The following SERINC1 variants were observed in gnomAD, a reference collection of about 807,000 sequenced individuals.
SERINC1 encodes tumor differentially expressed protein 2.
In SERINC1, 38 loss-of-function variants were observed where a neutral mutation model predicts 52.9. The ratio of observed to expected loss-of-function variants is 0.72; its 90% CI spans 0.55 to 0.94. The LOEUF is 0.94. SERINC1 is among the 40% of genes least tolerant of loss of function. The pLI is 0.00. For missense variants in SERINC1, 471 were observed against 533.9 expected, an observed-to-expected ratio of 0.88 and a Z score of 1.16; for synonymous variants, 198 against 183.1, an observed-to-expected ratio of 1.08 and a Z score of -0.66.
chr6:122,462,290 C>G (rs955623421), intron 1 of SERINC1, among the ~76,000 whole-genome samples: 2 of 152,186 alleles, frequency 1.3e-5, no homozygotes, highest in African/African-American at 2.4e-5. Context: ...AGTCTGAATG[C>G]TTTCCCTGTA....
intron 1 of SERINC1, among the ~76,000 whole-genome samples, chr6:122,465,080 G>C (rs1232917575): frequency 6.6e-6 from 1 of 152,038 alleles, no homozygotes; most frequent in Admixed American, 6.6e-5. Flanking sequence ...AAAAGAACTA[G>C]ATCTTTTGTT....
chr6:122,449,631 T>A (rs1318847074), intron 7 of SERINC1, among the ~76,000 whole-genome samples: 1 of 152,168 alleles, frequency 6.6e-6, no homozygotes, highest in East Asian at 1.9e-4. Context: ...AGAAACTGTC[T>A]CCGTAACATA....
At chr6:122,467,669 A>G (rs1370147019) in intron 1 of SERINC1, among the ~76,000 whole-genome samples, 2 of 152,256 alleles carry the variant, frequency 1.3e-5, no homozygotes, top group East Asian at 1.9e-4. Flanking sequence ...AAGTCATTGC[A>G]TATTTAGTAC....
intron 1 of SERINC1, among the ~76,000 whole-genome samples, chr6:122,462,720 T>G (rs1775125462): frequency 6.6e-6 from 1 of 152,220 alleles, no homozygotes; most frequent in Non-Finnish European, 1.5e-5. Context: ...ACAATCATGT[T>G]TCTACGTATT....
chr6:122,460,757 T>C (rs1399685025), intron 1 of SERINC1, among the ~76,000 whole-genome samples: 1 of 152,130 alleles, frequency 6.6e-6, no homozygotes, highest in Non-Finnish European at 1.5e-5. Context: ...TCAGTCAATA[T>C]CAACCTGGAA....
At chr6:122,448,464 C>T (rs1013136743) in intron 7 of SERINC1, among the ~76,000 whole-genome samples, 1 of 152,178 alleles carries the variant, frequency 6.6e-6, no homozygotes, top group East Asian at 1.9e-4. Flanking sequence ...TCATTTTCTT[C>T]TTTTTAATAG....
chr6:122,467,089 T>C (rs1775203205), intron 1 of SERINC1, among the ~76,000 whole-genome samples: 1 of 151,916 alleles, frequency 6.6e-6, no homozygotes, highest in Non-Finnish European at 1.5e-5. Context: ...ACCAAATGAA[T>C]ACAAGCAATG....
At chr6:122,471,595 G>C in intron 1 of SERINC1, 104 bp downstream of exon 1, 1 of 1,384,550 alleles carries the variant, frequency 7.2e-7, no homozygotes, top group Non-Finnish European at 1.0e-6. Context: ...ACTCCCTGTT[G>C]GGTGGGGCAC....
chr6:122,463,604 C>T (rs1335381434), intron 1 of SERINC1, among the ~76,000 whole-genome samples: 2 of 152,034 alleles, frequency 1.3e-5, no homozygotes, highest in Non-Finnish European at 2.9e-5. Flanking sequence ...AAAAAGTGCT[C>T]AATATCATTA....
intron 3 of SERINC1, 47 bp downstream of exon 3, chr6:122,456,431 CAAG>C (rs759753433): frequency 5.8e-5 from 69 of 1,198,762 alleles, no homozygotes; most frequent in Non-Finnish European, 7.6e-5. Flanking sequence ...TGGCAATTAT[CAAG>C]AAGAGGCTAC....
chr6:122,444,815 A>AG lies in SERINC1; in HGVS notation c.*228_*229insC, dbSNP rs561763796. 0.011 allele frequency: 5,528 copies of AG among 489,286 alleles called. 43 individuals carry two copies. The highest frequency in any genetic ancestry group is 0.015 in the Middle Eastern group (28 of 1,864). The allele number at this position is 489,286 out of a possible 1,614,324, so 30.3% of individuals were successfully genotyped here. ...AATAAGCCCAATAATGGCCACTTTT[A>AG]CTAACTCATCACCATATTCATAAAA... On this transcript the variant is annotated 3_prime_UTR_variant, in exon 10 of 10. Coordinates refer to ENST00000339697, the MANE Select transcript of SERINC1 (RefSeq NM_020755.4).
At position 122,445,000 on chromosome 6, in the gene SERINC1, A is replaced by G; in HGVS notation, c.*44T>C. 1 of 1,585,668 alleles carries G rather than the reference A, an allele frequency of 6.3e-7. No homozygotes were observed. Among genetic ancestry groups the G allele is most frequent in the Non-Finnish European group, 8.6e-7 (1 of 1,164,114 alleles). On this transcript the variant is annotated 3_prime_UTR_variant, in exon 10 of 10. Transcript: ENST00000339697. ...ACAAAAGTTGGGAATACTGTTTTCA[A>G]ATAAGCAATAATCAAAGTGGGACTT...
intron 1 of SERINC1, among the ~76,000 whole-genome samples, chr6:122,464,597 G>A (rs992964793): frequency 1.3e-5 from 2 of 152,128 alleles, no homozygotes; most frequent in African/African-American, 2.4e-5. Context: ...AAGGAAATTC[G>A]TATACTATAT....
At chr6:122,468,501 G>A (rs1582638914) in intron 1 of SERINC1, among the ~76,000 whole-genome samples, 1 of 152,178 alleles carries the variant, frequency 6.6e-6, no homozygotes, top group South Asian at 2.1e-4. Context: ...ATCTTTTTAA[G>A]AAACTCTCCT....
Position 122,456,617 on chromosome 6 carries a change from C to G in SERINC1, c.235G>C (p.Val79Leu). 6.2e-7 allele frequency: 1 copy of G among 1,604,082 alleles called. No individual in the cohort carries two copies. Among genetic ancestry groups the G allele is most frequent in the Non-Finnish European group, 8.5e-7 (1 of 1,176,692 alleles). Residue 79 changes from valine to leucine, a missense_variant, in exon 3 of 10, where the codon GTC (valine) becomes CTC (leucine). By Grantham distance (32) the Val-to-Leu change is conservative. Transcript: ENST00000339697. ...TAGCCAACCAAAATGTTACAAGGGA[C>G]AACACCTTTCTCATTCTCACAAAAT... Reference protein sequence around the residue: ...PGFCENEKGVVPCNILVGYKA... With the variant: ...PGFCENEKGVLPCNILVGYKA...
At position 122,447,194 on chromosome 6, in the gene SERINC1, G is replaced by A. The variant is rs766180998; in HGVS notation, c.922C>T (p.Gln308Ter). ...TGAGCATGCCACCACTGGACTGACT[G>A]CCCTTCCTTTGGGACAGTGCTTGTT... is the stretch of plus-strand genomic sequence containing the variant. The part of the protein sequence containing the change: ...NTTSTVPKEG[Q>*]SVQWWHAQGI... Residue 308 changes from glutamine to a stop codon, truncating the protein, a stop_gained, in exon 8 of 10, where the codon CAG (glutamine) becomes TAG (stop). Coordinates refer to ENST00000339697, the MANE Select transcript of SERINC1 (RefSeq NM_020755.4). LOFTEE classifies it high-confidence loss of function. The A allele has an allele frequency of 1.9e-6, 3 of 1,612,340 alleles. No homozygotes were observed. The highest frequency in any genetic ancestry group is 4.5e-5 in the East Asian group (2 of 44,860).
At chr6:122,454,539 T>C (rs975268549) in intron 3 of SERINC1, 12 of 265,818 alleles carry the variant, frequency 4.5e-5, no homozygotes, top group Non-Finnish European at 6.8e-5. Flanking sequence ...CAAGTCAACA[T>C]GTGAAAGGAA....
chr6:122,454,973 T>C (rs1245921146), intron 3 of SERINC1, among the ~76,000 whole-genome samples: 1 of 152,214 alleles, frequency 6.6e-6, no homozygotes, highest in Non-Finnish European at 1.5e-5. Flanking sequence ...TCATGTGACA[T>C]AAGATTTACT....
chr6:122,466,336 G>A (rs1348022358), intron 1 of SERINC1, among the ~76,000 whole-genome samples: 1 of 152,188 alleles, frequency 6.6e-6, no homozygotes, highest in Non-Finnish European at 1.5e-5. Flanking sequence ...GTCTCACTCT[G>A]TCGTCCAGGC....
Sources: gnomAD v4.1 joint callset for allele counts (sites outside exome capture counted in the v4.1 genomes callset) on GRCh38, gnomAD v4.1.1 for gene constraint, MANE v1.5 for transcripts, NCBI Gene and HGNC (gene_info 2026-07-23, HGNC 2026-07-21) for gene names.